BLK: variants seen among roughly 807,000 people sequenced by gnomAD.
BLK encodes the protein BLK proto-oncogene, Src family tyrosine kinase.
Under a neutral mutation model 61.8 loss-of-function variants are expected in BLK, and 64 were observed. That is an observed-to-expected ratio of 1.03 (90% confidence interval 0.85 to 1.27). BLK has a LOEUF of 1.27. BLK is among the 50% of genes most tolerant of loss of function. The probability of loss-of-function intolerance (pLI) is 0.00; values close to 1 mark genes in which losing one functional copy is unlikely to be tolerated. For synonymous variants in BLK, 351 were observed against 272.0 expected (o/e 1.29, Z -2.86); for missense variants, 853 against 660.5 (o/e 1.29, Z -3.19).
In BLK at chr8:11,564,288, C is replaced by T; in HGVS notation, c.*180C>T. 1 of 769,382 alleles carries T rather than the reference C, an allele frequency of 1.3e-6. No individual in the cohort carries two copies. Among genetic ancestry groups the T allele is most frequent in the South Asian group, 1.5e-5 (1 of 67,706 alleles). 47.7% of individuals were successfully genotyped at this position (769,382 alleles called of 1,614,324 possible). A position where few individuals can be genotyped will look rare whatever the true frequency, so the allele number is the denominator to read the frequency against. On this transcript the variant is annotated 3_prime_UTR_variant, in exon 13 of 13. Transcript: ENST00000259089. Reference sequence around the variant, plus strand: ...GACGGACTCCTTCACCGACTGCACCCCCGGGCGAGTTACGCGGCCTCTCTG... The same window carrying T: ...GACGGACTCCTTCACCGACTGCACCTCCGGGCGAGTTACGCGGCCTCTCTG...
chr8:11,545,330 C>G (rs923117522), intron 2 of BLK, among the ~76,000 whole-genome samples: 4 of 152,230 alleles, frequency 2.6e-5, no homozygotes, highest in African/African-American at 7.2e-5. Flanking sequence ...GGGAGGATCA[C>G]TTGAGGCCAG....
chr8:11,515,952 C>T (rs1799208105), intron 1 of BLK, among the ~76,000 whole-genome samples: 1 of 152,308 alleles, frequency 6.6e-6, no homozygotes, highest in African/African-American at 2.4e-5. Context: ...GCTTTTGTAT[C>T]CTGGTGTGGG....
intron 1 of BLK, among the ~76,000 whole-genome samples, chr8:11,505,037 C>T (rs1336531338): frequency 6.6e-6 from 1 of 152,036 alleles, no homozygotes; most frequent in Non-Finnish European, 1.5e-5. Flanking sequence ...CACACAGACA[C>T]CCACACATAT....
intron 1 of BLK, among the ~76,000 whole-genome samples, chr8:11,513,862 G>T (rs2736357): frequency 0.01 from 1,596 of 152,276 alleles, 26 homozygotes; most frequent in African/African-American, 0.037. Context: ...AGGGGGCTTG[G>T]GGTAATGGAG....
At chr8:11,511,480 A>G (rs1228465712) in intron 1 of BLK, among the ~76,000 whole-genome samples, 1 of 152,124 alleles carries the variant, frequency 6.6e-6, no homozygotes, top group Middle Eastern at 3.2e-3. Flanking sequence ...AAACTCTGGC[A>G]CCAGTCAGCG....
At chr8:11,541,916 G>T (rs1205471593) in intron 1 of BLK, among the ~76,000 whole-genome samples, 1 of 152,120 alleles carries the variant, frequency 6.6e-6, no homozygotes, top group Non-Finnish European at 1.5e-5. Flanking sequence ...CTCACATAAA[G>T]AAATACTTAG....
chr8:11,560,182 C>CATGGATGG (rs1167659682), intron 10 of BLK, among the ~76,000 whole-genome samples: 6 of 41,136 alleles, frequency 1.5e-4, no homozygotes, highest in African/African-American at 4.9e-4. Flanking sequence ...TGGATGGATG[C>CATGGATGG]ATGGATGGAT....
At chr8:11,498,107 A>G (rs1798422211) in intron 1 of BLK, among the ~76,000 whole-genome samples, 1 of 152,150 alleles carries the variant, frequency 6.6e-6, no homozygotes, top group African/African-American at 2.4e-5. Context: ...CCTTCTCATC[A>G]CAACTAGCTG....
chr8:11,533,907 G>C (rs972820102), intron 1 of BLK, among the ~76,000 whole-genome samples: 4 of 152,268 alleles, frequency 2.6e-5, no homozygotes, highest in Non-Finnish European at 4.4e-5. Context: ...TAAAACTGCA[G>C]GCATTATTTA....
chr8:11,532,835 G>A (rs372472212), intron 1 of BLK, among the ~76,000 whole-genome samples: 1 of 152,210 alleles, frequency 6.6e-6, no homozygotes, highest in African/African-American at 2.4e-5. Context: ...GAATATTATC[G>A]TGTTTCTTTA....
chr8:11,544,851 G>C (rs895620762), intron 2 of BLK, among the ~76,000 whole-genome samples: 3 of 152,096 alleles, frequency 2.0e-5, no homozygotes, highest in Non-Finnish European at 4.4e-5. Context: ...ACATATGTCA[G>C]GTTGAAAGAA....
chr8:11,501,152 G>T (rs563304202), intron 1 of BLK, among the ~76,000 whole-genome samples: 67 of 152,226 alleles, frequency 4.4e-4, no homozygotes, highest in African/African-American at 1.6e-3. Context: ...TCAGCAGTGA[G>T]CTGAGACTGC....
Position 11,543,344 on chromosome 8 carries a change from C to T in BLK, c.120C>T (p.Pro40=), listed in dbSNP as rs1310155913. 1 of 1,613,022 alleles carries T rather than the reference C, an allele frequency of 6.2e-7. No individual in the cohort carries two copies. Among genetic ancestry groups the T allele is most frequent in the South Asian group, 1.1e-5 (1 of 91,052 alleles). ...AQDKDAPPLP[P]LVVFNHLTPP... ...ACAAGGACGCCCCGCCACTGCCGCC[C>T]CTGGTGAGTGATTGCCCACCCCCAC... Residue 40 remains proline, a synonymous_variant, in exon 2 of 13, where the codon CCC becomes CCT. Coordinates refer to ENST00000259089, the MANE Select transcript of BLK (RefSeq NM_001715.3).
Position 11,538,511 on chromosome 8 carries a change from G to A in BLK, c.-1-4713G>A, listed in dbSNP as rs144083134. ...CAAAGGACAGAAGTGTAAGTAGTGG[G>A]TCATTTAATCTTAGGAATTTTACTT... On this transcript the variant is annotated intron_variant, in intron 1 of 12. Transcript: ENST00000259089. 4.8e-3 allele frequency among the ~76,000 whole-genome samples: 737 copies of A among 152,320 alleles called. 7 individuals carry two copies. The highest frequency in any genetic ancestry group is 0.016 in the African/African-American group (682 of 41,576).
Position 11,549,243 on chromosome 8 carries a change from A to G in BLK, c.368+121A>G, listed in dbSNP as rs919422759. 3.4e-6 allele frequency: 3 copies of G among 873,462 alleles called. No homozygotes were observed. The African/African-American group carries it at 5.0e-5, about 15-fold the overall frequency. The allele number at this position is 873,462 out of a possible 1,614,324, so 54.1% of individuals were successfully genotyped here. A position where few individuals can be genotyped will look rare whatever the true frequency, so the allele number is the denominator to read the frequency against. ...AGGGAGCCTGCAGGCACTAGCAAAG[A>G]GGGGACAGGAAATGAGCTCTGCTGG... On this transcript the variant is annotated intron_variant, in intron 5 of 12. Coordinates refer to ENST00000259089, the MANE Select transcript of BLK (RefSeq NM_001715.3).
chr8:11,517,637 C>T (rs1799279283), intron 1 of BLK, among the ~76,000 whole-genome samples: 1 of 152,212 alleles, frequency 6.6e-6, no homozygotes, highest in Non-Finnish European at 1.5e-5. Context: ...GAGGAAACAG[C>T]ATGTTGGGGG....
chr8:11,557,807 A>T (rs535059629), intron 9 of BLK, 155 bp from the exon 10 acceptor site: 70 of 669,352 alleles, frequency 1.0e-4, no homozygotes, highest in Admixed American at 1.0e-3. Flanking sequence ...GGCACTCGGC[A>T]GCAGTAGGTA....
chr8:11,517,521 C>T lies in BLK; in HGVS notation c.-2+22930C>T, dbSNP rs567622488. 2.6e-5 allele frequency among the ~76,000 whole-genome samples: 4 copies of T among 152,308 alleles called. No homozygotes were observed. In the East Asian group the frequency reaches 5.8e-4, roughly 22 times the overall value. On this transcript the variant is annotated intron_variant, in intron 1 of 12. Coordinates refer to ENST00000259089, the MANE Select transcript of BLK (RefSeq NM_001715.3). ...AGCTGCCAAGCACGCCTGGATGTTCCAGATGTTTTCAGGTTCCCAGAGCCC... is the reference window on the plus strand; with the variant it reads ...AGCTGCCAAGCACGCCTGGATGTTCTAGATGTTTTCAGGTTCCCAGAGCCC...
chr8:11,512,959 G>A (rs552272820), intron 1 of BLK, among the ~76,000 whole-genome samples: 3 of 152,264 alleles, frequency 2.0e-5, no homozygotes, highest in South Asian at 2.1e-4. Flanking sequence ...GAGCCACCGC[G>A]GCTGGTCAGA....
Sources: gnomAD v4.1 joint callset for allele counts (sites outside exome capture counted in the v4.1 genomes callset) on GRCh38, gnomAD v4.1.1 for gene constraint, MANE v1.5 for transcripts, NCBI Gene and HGNC (gene_info 2026-07-23, HGNC 2026-07-21) for gene names.